The following RP9 variants were observed in gnomAD, a reference collection of about 807,000 sequenced individuals.
The protein encoded by RP9 is retinitis pigmentosa 9 protein.
RP9 carries 23 observed loss-of-function variants against 32.6 expected under a neutral mutation model. That is an observed-to-expected ratio of 0.71 (90% confidence interval 0.51 to 1.00). The LOEUF (loss-of-function observed/expected upper bound fraction) is 1.00, where lower values mean the gene tolerates loss of function less well. Among genes scored for constraint, RP9 ranks in the 50% least tolerant of loss-of-function variants. RP9 has a pLI of 0.00. For synonymous variants in RP9, 94 were observed against 103.6 expected, an observed-to-expected ratio of 0.91 and a Z score of 0.56; for missense variants, 245 against 285.3, an observed-to-expected ratio of 0.86 and a Z score of 1.02.
At chr7:33,097,155 A>G (rs1788349246) in intron 4 of RP9, 116 bp downstream of exon 4, 7 of 791,072 alleles carry the variant, frequency 8.8e-6, no homozygotes, top group African/African-American at 6.7e-5. Context: ...CACTTTGGTC[A>G]AAGGGCTTCT....
intron 1 of RP9, among the ~76,000 whole-genome samples, chr7:33,107,175 T>C (rs1395340272): frequency 6.6e-6 from 1 of 152,220 alleles, no homozygotes; most frequent in Non-Finnish European, 1.5e-5. Context: ...GATTCTGAAC[T>C]GGCCAAAGCA....
intron 1 of RP9, among the ~76,000 whole-genome samples, chr7:33,108,302 G>T (rs1788527532): frequency 6.6e-6 from 1 of 152,158 alleles, no homozygotes. Context: ...GTTGCTGCCT[G>T]AACTTTCCAC....
chr7:33,108,816 C>T (rs772506147), intron 1 of RP9, among the ~76,000 whole-genome samples: 17 of 152,170 alleles, frequency 1.1e-4, no homozygotes, highest in Non-Finnish European at 2.2e-4. Context: ...GTTAATCTGT[C>T]TTATGACAAT....
chr7:33,101,148 CTTATT>C (rs2128032816), intron 1 of RP9, among the ~76,000 whole-genome samples: 1 of 152,096 alleles, frequency 6.6e-6, no homozygotes, highest in South Asian at 2.1e-4. Context: ...ACCTGGCTCT[CTTATT>C]TTAATACTTC....
intron 1 of RP9, among the ~76,000 whole-genome samples, chr7:33,103,974 C>T (rs1051613632): frequency 2.6e-5 from 4 of 151,848 alleles, no homozygotes; most frequent in South Asian, 4.1e-4. Flanking sequence ...AAAAGAAAAA[C>T]GAGTGAGTAT....
intron 1 of RP9, among the ~76,000 whole-genome samples, chr7:33,101,602 A>T (rs567085848): frequency 0.018 from 582 of 32,998 alleles, 5 homozygotes; most frequent in African/African-American, 0.096. Context: ...ACTCTGTCTT[A>T]AAAAAAAAAA....
At position 33,102,106 on chromosome 7, in the gene RP9, T is replaced by C. The variant is rs183608779; in HGVS notation, c.153-1545A>G. 1.7e-4 allele frequency among the ~76,000 whole-genome samples: 26 copies of C among 152,318 alleles called. No individual in the cohort carries two copies. The East Asian group carries it at 4.4e-3, about 26-fold the overall frequency. On this transcript the variant is annotated intron_variant, in intron 1 of 5. Transcript: ENST00000297157. Reference sequence around the variant, plus strand: ...TGATGCAATTGCACATTTGGAAATATAATATTATCAGCAATGGCATTCCCA... The same window carrying C: ...TGATGCAATTGCACATTTGGAAATACAATATTATCAGCAATGGCATTCCCA...
chr7:33,109,101 G>GC lies in RP9; in HGVS notation c.152+119dup. 1 of 1,342,772 alleles carries GC rather than the reference G, an allele frequency of 7.4e-7. No individual in the cohort carries two copies. The highest frequency in any genetic ancestry group is 9.5e-7 in the Non-Finnish European group (1 of 1,047,416). The allele number at this position is 1,342,772 out of a possible 1,614,324, so 83.2% of individuals were successfully genotyped here. A position where few individuals can be genotyped will look rare whatever the true frequency, so the allele number is the denominator to read the frequency against. Reference sequence around the variant, plus strand: ...CCGCACCAGGCTCCTGCCGGGCCCAGCCCCCCTGCCTGCTCGCGGGGGCTC... The same window carrying GC: ...CCGCACCAGGCTCCTGCCGGGCCCAGCCCCCCCTGCCTGCTCGCGGGGGCTC... On this transcript the variant is annotated intron_variant, in intron 1 of 5. Transcript: ENST00000297157. This position sits in a 1 kb window ranked among gnomAD's most constrained non-coding sequence, Gnocchi z 4.9.
chr7:33,096,624 T>A, intron 4 of RP9, 70 bp from the exon 5 acceptor site: 1 of 1,048,388 alleles, frequency 9.5e-7, no homozygotes, highest in Non-Finnish European at 1.5e-6. Context: ...ATGAAATGCC[T>A]ATGTTATGAA....
At position 33,097,236 on chromosome 7, in the gene RP9, A is replaced by C. The variant is rs765775300; in HGVS notation, c.405+35T>G. ...GCTTCACTGATTTTCACTATCTCTGATAAATGTAAATTGACACTCTTGGAC... is the reference window on the plus strand; with the variant it reads ...GCTTCACTGATTTTCACTATCTCTGCTAAATGTAAATTGACACTCTTGGAC... On this transcript the variant is annotated intron_variant, in intron 4 of 5. Transcript: ENST00000297157. 4 of 1,448,070 alleles carry C rather than the reference A, an allele frequency of 2.8e-6. No individual in the cohort carries two copies. In the South Asian group the frequency reaches 4.6e-5, roughly 17 times the overall value. 89.7% of individuals were successfully genotyped at this position (1,448,070 alleles called of 1,614,324 possible). A position where few individuals can be genotyped will look rare whatever the true frequency, so the allele number is the denominator to read the frequency against.
intron 1 of RP9, among the ~76,000 whole-genome samples, chr7:33,105,860 A>G (rs1273398147): frequency 6.6e-6 from 1 of 152,202 alleles, no homozygotes; most frequent in Non-Finnish European, 1.5e-5. Context: ...TCCTTTGTCA[A>G]CGTTCCCATG....
intron 1 of RP9, among the ~76,000 whole-genome samples, chr7:33,106,348 T>G (rs1584005096): frequency 6.6e-6 from 1 of 152,116 alleles, no homozygotes; most frequent in Admixed American, 6.5e-5. Context: ...TCTTTTTTCC[T>G]TCTTTCTTGC....
At chr7:33,103,821 A>C (rs540757967) in intron 1 of RP9, among the ~76,000 whole-genome samples, 38 of 152,296 alleles carry the variant, frequency 2.5e-4, no homozygotes, top group African/African-American at 9.1e-4. Context: ...GCTTGTCTCT[A>C]AAAAACACAA....
chr7:33,098,003 C>G (rs1372007750), intron 3 of RP9, among the ~76,000 whole-genome samples: 1 of 152,204 alleles, frequency 6.6e-6, no homozygotes, highest in African/African-American at 2.4e-5. Context: ...TTCTCATTTA[C>G]TATTTTAGAC....
Position 33,100,520 on chromosome 7 carries a change from T to C in RP9, c.183+11A>G. ...TTGTGGAATAACCAAGAGTACAAAC[T>C]TCACACTAACCTTGATAAGCCCAGG... On this transcript the variant is annotated intron_variant, in intron 2 of 5. Coordinates refer to ENST00000297157, the MANE Select transcript of RP9 (RefSeq NM_203288.2). 3 of 1,611,794 alleles carry C rather than the reference T, an allele frequency of 1.9e-6. No homozygotes were observed. Among genetic ancestry groups the C allele is most frequent in the Non-Finnish European group, 2.5e-6 (3 of 1,177,914 alleles).
intron 5 of RP9, among the ~76,000 whole-genome samples, chr7:33,095,690 G>T (rs948535445): frequency 6.6e-6 from 1 of 152,066 alleles, no homozygotes; most frequent in African/African-American, 2.4e-5. Context: ...CCTTACAATT[G>T]TAATTTCTAA....
chr7:33,107,110 T>G (rs557138087), intron 1 of RP9, among the ~76,000 whole-genome samples: 209 of 152,330 alleles, frequency 1.4e-3, no homozygotes, highest in African/African-American at 4.9e-3. Flanking sequence ...TAGTACTATT[T>G]GAATTTTAAA....
Position 33,096,498 on chromosome 7 carries a change from G to A in RP9, c.462C>T (p.Asp154=), listed in dbSNP as rs751408194. Residue 154 remains aspartate (D), a synonymous_variant, in exon 5 of 6, where the codon GAC becomes GAT. Coordinates refer to ENST00000297157, the MANE Select transcript of RP9 (RefSeq NM_203288.2). ...TATCATCAGGACGACCTCACCTTACGTCCTTTTCATGTCGTTTATTGTCTC... is the reference window on the plus strand; with the variant it reads ...TATCATCAGGACGACCTCACCTTACATCCTTTTCATGTCGTTTATTGTCTC... ...IIRDNKRHEK[D]VRIQQLKQLL... 28 of 1,609,780 alleles carry A rather than the reference G, an allele frequency of 1.7e-5. No individual in the cohort carries two copies. The highest frequency in any genetic ancestry group is 2.2e-5 in the East Asian group (1 of 44,868).
At chr7:33,098,255 C>T (rs188553374) in intron 3 of RP9, among the ~76,000 whole-genome samples, 5 of 152,170 alleles carry the variant, frequency 3.3e-5, no homozygotes, top group Admixed American at 6.5e-5. Flanking sequence ...AGCCTGGTGG[C>T]GCATGCCTGT....
Sources: gnomAD v4.1 joint callset for allele counts (sites outside exome capture counted in the v4.1 genomes callset) on GRCh38, gnomAD v4.1.1 for gene constraint, Gnocchi (gnomAD v3.1) non-coding constraint, MANE v1.5 for transcripts, NCBI Gene and HGNC (gene_info 2026-07-23, HGNC 2026-07-21) for gene names.